Variants in FMN1 observed in about 807,000 individuals in gnomAD.
The protein encoded by FMN1 is formin-1.
A neutral mutation model predicts 132.4 loss-of-function variants in FMN1; 110 were observed. The observed-to-expected ratio is 0.83, with a 90% CI of 0.71 to 0.97. FMN1 has a LOEUF of 0.97. FMN1 is among the 50% of genes least tolerant of loss of function. FMN1 has a pLI of 0.00. For missense variants in FMN1, 1,792 were observed against 1,705.3 expected (o/e 1.05, Z -0.90); for synonymous variants, 722 against 651.7 (o/e 1.11, Z -1.64).
chr15:32,930,831 C>A (rs921997542), intron 9 of FMN1, among the ~76,000 whole-genome samples: 7 of 152,028 alleles, frequency 4.6e-5, no homozygotes, highest in Non-Finnish European at 8.8e-5. Context: ...TCAAGTCTCA[C>A]ATTTAAGTTT....
At chr15:33,028,286 A>C (rs2035773987) in intron 6 of FMN1, among the ~76,000 whole-genome samples, 1 of 152,202 alleles carries the variant, frequency 6.6e-6, no homozygotes. Context: ...GGAAGGCCAG[A>C]AAGTGACACG....
intron 18 of FMN1, among the ~76,000 whole-genome samples, chr15:32,800,558 G>A (rs1006720441): frequency 6.6e-6 from 1 of 152,178 alleles, no homozygotes; most frequent in African/African-American, 2.4e-5. Context: ...TAAGTAGAGA[G>A]TTATATAACC....
At chr15:32,862,763 G>A (rs1004589502) in intron 16 of FMN1, among the ~76,000 whole-genome samples, 39 of 152,184 alleles carry the variant, frequency 2.6e-4, no homozygotes, top group African/African-American at 8.9e-4. Flanking sequence ...TATGAAACTT[G>A]TTTCTTTTTG....
intron 16 of FMN1, among the ~76,000 whole-genome samples, chr15:32,874,221 C>G (rs1283914462): frequency 6.6e-6 from 1 of 151,726 alleles, no homozygotes; most frequent in Non-Finnish European, 1.5e-5. Flanking sequence ...CGGGATTTCG[C>G]TATGTTGGTC....
intron 12 of FMN1, among the ~76,000 whole-genome samples, chr15:32,904,264 G>A (rs1258507073): frequency 6.6e-6 from 1 of 152,158 alleles, no homozygotes; most frequent in Non-Finnish European, 1.5e-5. Context: ...TGATGCTCAC[G>A]CACAACATGT....
chr15:33,022,966 G>A (rs2035484133), intron 6 of FMN1, among the ~76,000 whole-genome samples: 1 of 150,368 alleles, frequency 6.7e-6, no homozygotes, highest in Non-Finnish European at 1.5e-5. Context: ...AGGATCTCCT[G>A]AGGCCAGAAG....
chr15:33,006,926 G>A (rs923697680), intron 7 of FMN1, among the ~76,000 whole-genome samples: 3 of 152,076 alleles, frequency 2.0e-5, no homozygotes, highest in African/African-American at 4.8e-5. Flanking sequence ...GGGAGATGTT[G>A]ATGAAAGGAG....
rs560713850 is a variant in FMN1, at chr15:32,931,529, T to C, written c.3139-5268A>G. Among the ~76,000 whole-genome samples the C allele has an allele frequency of 2.0e-5, 3 of 152,324 alleles. No homozygotes were observed. The East Asian group carries it at 5.8e-4, about 29-fold the overall frequency. ...TTTTGTGTTATAAGAACACAACGAATTTTTGTTTGTTGATTTGGAATCCTG... is the reference window on the plus strand; with the variant it reads ...TTTTGTGTTATAAGAACACAACGAACTTTTGTTTGTTGATTTGGAATCCTG... On this transcript the variant is annotated intron_variant, in intron 9 of 20. Transcript: ENST00000616417.
chr15:33,040,821 TAAAATAACTTCAGAGA>T (rs1360150850), intron 6 of FMN1, among the ~76,000 whole-genome samples: 1 of 152,248 alleles, frequency 6.6e-6, no homozygotes, highest in East Asian at 1.9e-4. Flanking sequence ...GTCTTCACAT[TAAAATAACTTCAGAGA>T]TTAGCACAGA....
chr15:33,060,939 A>G (rs2037453603), intron 6 of FMN1, among the ~76,000 whole-genome samples: 1 of 152,158 alleles, frequency 6.6e-6, no homozygotes, highest in South Asian at 2.1e-4. Context: ...TATTTTTTAA[A>G]TGTCTTAATA....
intron 16 of FMN1, among the ~76,000 whole-genome samples, chr15:32,859,104 G>C (rs1407176228): frequency 6.6e-6 from 1 of 152,204 alleles, no homozygotes; most frequent in Non-Finnish European, 1.5e-5. Flanking sequence ...CATTTGCTGA[G>C]ATAGAGAATA....
chr15:32,945,682 A>G (rs1295769764), intron 9 of FMN1, among the ~76,000 whole-genome samples: 1 of 152,160 alleles, frequency 6.6e-6, no homozygotes, highest in Non-Finnish European at 1.5e-5. Flanking sequence ...TGCATTCAAG[A>G]TATCAGAAAT....
intron 4 of FMN1, among the ~76,000 whole-genome samples, chr15:33,113,818 CCT>C (rs1181195015): frequency 3.3e-5 from 5 of 152,166 alleles, no homozygotes; most frequent in African/African-American, 9.7e-5. Flanking sequence ...AGCTGAGGCC[CCT>C]GAGGTACCAG....
chr15:32,989,201 A>T (rs2033277670), intron 7 of FMN1, among the ~76,000 whole-genome samples: 1 of 152,216 alleles, frequency 6.6e-6, no homozygotes, highest in African/African-American at 2.4e-5. Context: ...CTGTGATGGC[A>T]GATTCAACTG....
intron 4 of FMN1, among the ~76,000 whole-genome samples, chr15:33,121,287 C>G (rs1041454115): frequency 7.2e-5 from 11 of 152,192 alleles, no homozygotes; most frequent in African/African-American, 2.7e-4. Context: ...AGTTTCAATA[C>G]CACAATGACC....
At chr15:32,807,881 T>A (rs1487382336) in intron 17 of FMN1, among the ~76,000 whole-genome samples, 1 of 152,226 alleles carries the variant, frequency 6.6e-6, no homozygotes, top group African/African-American at 2.4e-5. Context: ...GCATCTACCT[T>A]TATGGTGTGA....
At chr15:32,928,808 G>C (rs1001740265) in intron 9 of FMN1, among the ~76,000 whole-genome samples, 1 of 152,202 alleles carries the variant, frequency 6.6e-6, no homozygotes, top group African/African-American at 2.4e-5. Flanking sequence ...AAGCTATCCA[G>C]TTAGGGCTCT....
chr15:32,900,877 G>T (rs1034377293), intron 13 of FMN1, among the ~76,000 whole-genome samples: 6 of 152,202 alleles, frequency 3.9e-5, no homozygotes, highest in African/African-American at 1.4e-4. Context: ...GTAATGGCTG[G>T]GCACGGTGGC....
intron 9 of FMN1, among the ~76,000 whole-genome samples, chr15:32,957,313 T>G (rs201511116): frequency 6.9e-6 from 1 of 144,876 alleles, no homozygotes; most frequent in South Asian, 2.4e-4. Context: ...TTTTTTTTTT[T>G]TTTTTTTTTT....
Sources: allele counts gnomAD v4.1 joint callset (sites outside exome capture counted in the v4.1 genomes callset), GRCh38; gene constraint gnomAD v4.1.1; transcripts MANE v1.5; gene names NCBI Gene and HGNC (gene_info 2026-07-23, HGNC 2026-07-21).